Variants in ADD3 observed in about 807,000 individuals in gnomAD.
ADD3 encodes the protein adducin 3, also known as gamma-adducin.
Under a neutral mutation model 80.2 loss-of-function variants are expected in ADD3, and 25 were observed. The ratio of observed to expected loss-of-function variants is 0.31; its 90% CI spans 0.23 to 0.44. The LOEUF is 0.44. Among genes scored for constraint, ADD3 ranks in the 20% least tolerant of loss-of-function variants. The pLI, the probability that ADD3 is intolerant of heterozygous loss-of-function variation, is 1.00. For synonymous variants in ADD3, 284 were observed against 289.6 expected, an observed-to-expected ratio of 0.98 and a Z score of 0.20; for missense variants, 829 against 847.5, an observed-to-expected ratio of 0.98 and a Z score of 0.27.
chr10:110,078,178 G>A (rs930913228), intron 1 of ADD3, among the ~76,000 whole-genome samples: 1 of 152,180 alleles, frequency 6.6e-6, no homozygotes, highest in Non-Finnish European at 1.5e-5. Flanking sequence ...TAAGAATAAA[G>A]CACAGGTGTG....
intron 1 of ADD3, among the ~76,000 whole-genome samples, chr10:110,022,096 G>C (rs562368083): frequency 1.3e-4 from 20 of 152,300 alleles, no homozygotes; most frequent in East Asian, 7.7e-4. Flanking sequence ...GTAGAAATCA[G>C]GAGGTGGTTT....
intron 1 of ADD3, among the ~76,000 whole-genome samples, chr10:110,076,725 CTACTT>C (rs1340045303): frequency 6.6e-6 from 1 of 152,222 alleles, no homozygotes; most frequent in African/African-American, 2.4e-5. Flanking sequence ...TTATAGTACT[CTACTT>C]CCATCTAACA....
At chr10:110,002,075 T>C (rs1851496914), upstream of ADD3, among the ~76,000 whole-genome samples, 1 of 152,054 alleles carries the variant, frequency 6.6e-6, no homozygotes, top group African/African-American at 2.4e-5. Flanking sequence ...GGCAGATCGC[T>C]CGAGGCCAGG....
chr10:110,036,632 A>G (rs893320055), intron 1 of ADD3, among the ~76,000 whole-genome samples: 3 of 151,832 alleles, frequency 2.0e-5, no homozygotes, highest in South Asian at 2.1e-4. Flanking sequence ...TTGGCCTCCC[A>G]AAGTGCTGGG....
intron 1 of ADD3, among the ~76,000 whole-genome samples, chr10:110,036,796 A>G (rs1338646161): frequency 6.6e-6 from 1 of 152,144 alleles, no homozygotes; most frequent in Non-Finnish European, 1.5e-5. Flanking sequence ...ATAGCATTTC[A>G]TAGAGGAGTG....
chr10:110,079,701 C>T (rs1188918441), intron 1 of ADD3, among the ~76,000 whole-genome samples: 2 of 151,606 alleles, frequency 1.3e-5, no homozygotes, highest in East Asian at 1.9e-4. Context: ...GATAACAGCT[C>T]GGCTAATTTT....
At chr10:110,071,514 G>GT (rs1264504215) in intron 1 of ADD3, among the ~76,000 whole-genome samples, 2 of 152,022 alleles carry the variant, frequency 1.3e-5, no homozygotes, top group African/African-American at 4.8e-5. Context: ...GTTTTTACTT[G>GT]TTTTCTATTC....
intron 1 of ADD3, among the ~76,000 whole-genome samples, chr10:109,999,474 C>T (rs1301495019): frequency 6.6e-6 from 1 of 152,210 alleles, no homozygotes; most frequent in Admixed American, 6.5e-5. Context: ...AGGAATTGAC[C>T]TCTATCTTCC....
chr10:110,052,693 G>A (rs1380136493), intron 1 of ADD3, among the ~76,000 whole-genome samples: 1 of 152,154 alleles, frequency 6.6e-6, no homozygotes, highest in Non-Finnish European at 1.5e-5. Context: ...AAGATACGTG[G>A]TTACTTTGAC....
intron 1 of ADD3, among the ~76,000 whole-genome samples, chr10:110,040,990 G>A (rs1170232233): frequency 6.6e-6 from 1 of 151,388 alleles, no homozygotes. Context: ...CTCTCTCCGT[G>A]TGTCTGTCTC....
intron 1 of ADD3, among the ~76,000 whole-genome samples, chr10:110,073,138 CTTTTTT>C (rs1189793476): frequency 2.1e-5 from 2 of 94,222 alleles, no homozygotes; most frequent in African/African-American, 9.1e-5. Context: ...TTTTAGTTTT[CTTTTTT>C]TTTTTTTTTT....
upstream of ADD3, among the ~76,000 whole-genome samples, chr10:110,002,893 T>C (rs906845985): frequency 6.6e-6 from 1 of 152,204 alleles, no homozygotes; most frequent in Non-Finnish European, 1.5e-5. Context: ...ACTAATAAAA[T>C]ATGTTGACGA....
chr10:110,058,217 C>G, intron 1 of ADD3, among the ~76,000 whole-genome samples: 1 of 151,664 alleles, frequency 6.6e-6, no homozygotes, highest in East Asian at 1.9e-4. Flanking sequence ...CAAATAAAGG[C>G]AGCACTCTGT....
intron 13 of ADD3, 47 bp from the exon 14 acceptor site, chr10:110,132,258 G>T: frequency 7.3e-7 from 1 of 1,377,524 alleles, no homozygotes; most frequent in Admixed American, 1.7e-5. Context: ...ATCATATGCT[G>T]CTTTGTTTTG....
At chr10:110,004,271 A>G (rs1851549611), upstream of ADD3, among the ~76,000 whole-genome samples, 1 of 150,864 alleles carries the variant, frequency 6.6e-6, no homozygotes, top group Admixed American at 6.6e-5. Flanking sequence ...GCGGTGGCTC[A>G]CGCCTGTAAT....
rs1564658173 is a variant in ADD3 at position 110,122,303 on chromosome 10, A to G, written c.1143+11A>G. ...ACTCTGGACAACTTGGTAGGTTGCA[A>G]AATTGAAGTAAAACTTGGATTTAAT... On this transcript the variant is annotated intron_variant, in intron 9 of 14. Transcript: ENST00000356080. 6.2e-7 allele frequency: 1 copy of G among 1,608,584 alleles called. No individual in the cohort carries two copies. The highest frequency in any genetic ancestry group is 1.7e-4 in the Middle Eastern group (1 of 6,024).
chr10:110,034,806 C>T (rs1855456695), intron 1 of ADD3, among the ~76,000 whole-genome samples: 1 of 152,016 alleles, frequency 6.6e-6, no homozygotes, highest in Non-Finnish European at 1.5e-5. Context: ...TTGAATCATC[C>T]CCAGGTTGTA....
chr10:110,050,506 C>CTT lies in ADD3; in HGVS notation c.-30+42227_-30+42228dup, dbSNP rs59897959. ...GTGGAACTGTGAGTCCATTAAACCTCTTTTTTTTTTTTTTTTTTTTTCCTG... is the reference window on the plus strand; with the variant it reads ...GTGGAACTGTGAGTCCATTAAACCTCTTTTTTTTTTTTTTTTTTTTTTTCCTG... On this transcript the variant is annotated intron_variant, in intron 1 of 14. Transcript: ENST00000356080. 8.8e-3 allele frequency among the ~76,000 whole-genome samples: 1,144 copies of CTT among 129,356 alleles called. 29 individuals carry two copies. The highest frequency in any genetic ancestry group is 0.031 in the African/African-American group (1,098 of 35,880). The allele number at this position is 129,356 out of a possible 152,430, so 84.9% of individuals were successfully genotyped here.
intron 1 of ADD3, among the ~76,000 whole-genome samples, chr10:110,026,282 GTT>G (rs11395254): frequency 2.9e-5 from 4 of 135,632 alleles, no homozygotes; most frequent in Non-Finnish European, 3.2e-5. Context: ...CAGTTTTCTT[GTT>G]TTTTTTTTTT....
Sources: gnomAD v4.1 joint callset for allele counts (sites outside exome capture counted in the v4.1 genomes callset) on GRCh38, gnomAD v4.1.1 for gene constraint, MANE v1.5 for transcripts, NCBI Gene and HGNC (gene_info 2026-07-23, HGNC 2026-07-21) for gene names.